Variants in TRIM5 observed in about 807,000 individuals in gnomAD.
TRIM5 encodes tripartite motif containing 5.
TRIM5 carries 31 observed loss-of-function variants against 35.6 expected under a neutral mutation model. That is an observed-to-expected ratio of 0.87 (90% CI 0.65 to 1.18). The LOEUF is 1.18. TRIM5 is among the 50% of genes most tolerant of loss of function. The probability of loss-of-function intolerance (pLI) is 0.00; values close to 1 mark genes in which losing one functional copy is unlikely to be tolerated. For synonymous variants in TRIM5, 243 were observed against 215.6 expected (o/e 1.13, Z -1.11); for missense variants, 609 against 591.6 (o/e 1.03, Z -0.31).
the TRIM5 span, among the ~76,000 whole-genome samples, chr11:5,650,688 C>T: frequency 5.3e-5 from 8 of 152,192 alleles, no homozygotes; most frequent in East Asian, 9.6e-4. Flanking sequence ...TTTGTTGGAG[C>T]GCTACTGTGC....
the TRIM5 span, chr11:5,642,880 A>G: frequency 6.8e-6 from 11 of 1,612,932 alleles, no homozygotes; most frequent in Admixed American, 6.7e-5. Flanking sequence ...CTGTTTTCCA[A>G]TTACCTTTCA....
chr11:5,683,422 TGCACCAATCA>T (rs1852700130), intron 1 of TRIM5, among the ~76,000 whole-genome samples: 1 of 152,200 alleles, frequency 6.6e-6, no homozygotes, highest in South Asian at 2.1e-4. Context: ...GGATTGTAAA[TGCACCAATCA>T]GCACCCTGTG....
At chr11:5,679,498 T>G (rs1259602799) in intron 2 of TRIM5, among the ~76,000 whole-genome samples, 3 of 152,156 alleles carry the variant, frequency 2.0e-5, no homozygotes, top group African/African-American at 7.2e-5. Flanking sequence ...AGAGCTTTTC[T>G]TGGACACCAA....
intron 1 of TRIM5, among the ~76,000 whole-genome samples, chr11:5,682,134 T>C (rs1852516526): frequency 1.3e-5 from 2 of 151,866 alleles, no homozygotes. Flanking sequence ...ACGGGTGTGG[T>C]GGCTCACGCT....
the TRIM5 span, among the ~76,000 whole-genome samples, chr11:5,606,647 C>G: frequency 1.7e-4 from 26 of 152,220 alleles, no homozygotes; most frequent in Non-Finnish European, 3.4e-4. Flanking sequence ...TTGTCCTCAT[C>G]ATTGATATTA....
At chr11:5,672,549 A>T (rs540158903) in intron 4 of TRIM5, among the ~76,000 whole-genome samples, 2 of 152,250 alleles carry the variant, frequency 1.3e-5, no homozygotes, top group African/African-American at 4.8e-5. Flanking sequence ...TAGTTTTTAA[A>T]ATTTCTTCAG....
At chr11:5,614,662 GTA>G in the TRIM5 span, among the ~76,000 whole-genome samples, 1 of 152,232 alleles carries the variant, frequency 6.6e-6, no homozygotes, top group East Asian at 1.9e-4. Context: ...AAAGAGAACT[GTA>G]TTGTCACTAA....
chr11:5,610,994 C>G, the TRIM5 span: 2 of 1,614,002 alleles, frequency 1.2e-6, no homozygotes, highest in African/African-American at 1.3e-5. Context: ...GGGTATGCAG[C>G]AATTCACTGG....
chr11:5,595,609 A>G, the TRIM5 span, among the ~76,000 whole-genome samples: 2 of 152,228 alleles, frequency 1.3e-5, no homozygotes, highest in South Asian at 2.1e-4. Context: ...AAGCTACAGT[A>G]CACTGCAGAC....
At chr11:5,679,716 T>G (rs762813405) in intron 2 of TRIM5, 45 bp downstream of exon 2, 41 of 1,513,484 alleles carry the variant, frequency 2.7e-5, no homozygotes, top group Non-Finnish European at 3.6e-5. Flanking sequence ...ATTTTCCATC[T>G]GGTCCCATTT....
At chr11:5,617,352 T>A in the TRIM5 span, among the ~76,000 whole-genome samples, 2 of 144,684 alleles carry the variant, frequency 1.4e-5, no homozygotes, top group Non-Finnish European at 3.0e-5. Flanking sequence ...GAACTGAAAG[T>A]CAACACATAC....
At chr11:5,667,241 T>C (rs1346299218) in intron 5 of TRIM5, among the ~76,000 whole-genome samples, 1 of 152,168 alleles carries the variant, frequency 6.6e-6, no homozygotes, top group Non-Finnish European at 1.5e-5. Flanking sequence ...GAGTCTCACT[T>C]TGTCGCCCAG....
chr11:5,630,103 C>G, the TRIM5 span, among the ~76,000 whole-genome samples: 3 of 152,108 alleles, frequency 2.0e-5, no homozygotes, highest in East Asian at 5.8e-4. Flanking sequence ...CGGATTGATT[C>G]CCTTGTAAAG....
At chr11:5,646,777 G>C in the TRIM5 span, among the ~76,000 whole-genome samples, 1 of 152,118 alleles carries the variant, frequency 6.6e-6, no homozygotes, top group African/African-American at 2.4e-5. Context: ...CCTAGAACCA[G>C]ACAAAATGTA....
the TRIM5 span, among the ~76,000 whole-genome samples, chr11:5,592,914 CAAAA>C: frequency 4.5e-5 from 3 of 67,224 alleles, no homozygotes; most frequent in Non-Finnish European, 8.6e-5. Context: ...GAGATTGTCT[CAAAA>C]AAAAAAAAAA....
At chr11:5,606,368 A>G in the TRIM5 span, among the ~76,000 whole-genome samples, 1 of 152,128 alleles carries the variant, frequency 6.6e-6, no homozygotes, top group Non-Finnish European at 1.5e-5. Flanking sequence ...TCTAGCAGCT[A>G]TTTTCTGCAT....
chr11:5,638,056 T>A, the TRIM5 span, among the ~76,000 whole-genome samples: 2 of 152,216 alleles, frequency 1.3e-5, no homozygotes, highest in Non-Finnish European at 2.9e-5. Flanking sequence ...ATGAATGAGT[T>A]AATTATATGT....
chr11:5,657,675 A>T, the TRIM5 span, among the ~76,000 whole-genome samples: 13,324 of 118,890 alleles, frequency 0.11, 1,224 homozygotes, highest in East Asian at 0.43. Context: ...TTTATAATAT[A>T]ATATATATAT....
rs1340008642 is a variant in TRIM5, at chr11:5,663,703, T to A, written c.*1106A>T. ...TGTGATGTTTTGATACATGTATACA[T>A]TGCGTAATAACCGAACCAGGGTAAT... is the stretch of plus-strand genomic sequence containing the variant. On this transcript the variant is annotated 3_prime_UTR_variant, in exon 8 of 8. Transcript: ENST00000380034. 1.8e-5 allele frequency: 9 copies of A among 492,128 alleles called. No individual in the cohort carries two copies. The highest frequency in any genetic ancestry group is 2.4e-5 in the Non-Finnish European group (9 of 379,198). 30.5% of individuals were successfully genotyped at this position (492,128 alleles called of 1,614,324 possible).
Sources: allele counts gnomAD v4.1 joint callset (sites outside exome capture counted in the v4.1 genomes callset), GRCh38; gene constraint gnomAD v4.1.1; transcripts MANE v1.5; gene names NCBI Gene and HGNC (gene_info 2026-07-23, HGNC 2026-07-21).